The following PLEKHA6 variants were observed in gnomAD, a reference collection of about 807,000 sequenced individuals.
PLEKHA6 encodes pleckstrin homology domain containing A6.
In PLEKHA6, 60 loss-of-function variants were observed where a neutral mutation model predicts 116.7. The observed-to-expected ratio is 0.51, with a 90% CI of 0.42 to 0.64. The LOEUF is 0.64. PLEKHA6 is among the 30% of genes least tolerant of loss of function. The probability of loss-of-function intolerance (pLI) is 0.00; values close to 1 mark genes in which losing one functional copy is unlikely to be tolerated. For missense variants in PLEKHA6, 1,338 were observed against 1,422.7 expected, an observed-to-expected ratio of 0.94 and a Z score of 0.96; for synonymous variants, 489 against 556.1, an observed-to-expected ratio of 0.88 and a Z score of 1.70.
At chr1:204,270,938 A>G (rs10900572) in intron 3 of PLEKHA6, among the ~76,000 whole-genome samples, 2 of 151,858 alleles carry the variant, frequency 1.3e-5, no homozygotes, top group Admixed American at 1.3e-4. Flanking sequence ...GCCACTGTCA[A>G]ATCCCAACTT....
intron 1 of PLEKHA6, among the ~76,000 whole-genome samples, chr1:204,298,417 A>G (rs1258312884): frequency 2.0e-5 from 3 of 152,220 alleles, no homozygotes; most frequent in Non-Finnish European, 2.9e-5. Context: ...AAAAGGGTAG[A>G]GTGGTACCTG....
chr1:204,313,561 C>T (rs1671743750), intron 1 of PLEKHA6: 1 of 984,902 alleles, frequency 1.0e-6, no homozygotes, highest in Non-Finnish European at 1.2e-6. Flanking sequence ...CTTGAGGCTA[C>T]TGCTTCTCTT....
chr1:204,296,779 C>T (rs1670324964), intron 1 of PLEKHA6, among the ~76,000 whole-genome samples: 1 of 152,228 alleles, frequency 6.6e-6, no homozygotes, highest in African/African-American at 2.4e-5. Context: ...AGAAGTGCTC[C>T]GTTCTCCAGC....
At chr1:204,335,684 G>C (rs910589492) in intron 1 of PLEKHA6, among the ~76,000 whole-genome samples, 1 of 152,020 alleles carries the variant, frequency 6.6e-6, no homozygotes, top group African/African-American at 2.4e-5. Flanking sequence ...GGAGAAAGCA[G>C]ACAGACAAGG....
At position 204,249,199 on chromosome 1, in the gene PLEKHA6, C is replaced by G; in HGVS notation, c.1659G>C (p.Gln553His). 1 of 1,612,736 alleles carries G rather than the reference C, an allele frequency of 6.2e-7. No homozygotes were observed. Among genetic ancestry groups the G allele is most frequent in the Non-Finnish European group, 8.5e-7 (1 of 1,179,198 alleles). Residue 553 changes from glutamine (Q) to histidine (H), a missense_variant, in exon 11 of 23, where the codon CAG (glutamine) becomes CAC (histidine). Around this residue, in one of 3 missense-constraint regions of PLEKHA6, gnomAD observed 1,136 missense variants for 1,163.6 expected, o/e 0.98. Coordinates refer to ENST00000272203, the MANE Select transcript of PLEKHA6 (RefSeq NM_014935.5). ...AGCTTCTCACCTTCTCAGCTCGGAG[C>G]TGCTGCACCAGCCGGTCCTGCTCCC... is the stretch of plus-strand genomic sequence containing the variant. The part of the protein sequence containing the change: ...VVREQDRLVQ[Q>H]LRAEKESLES...
rs570511908 is a variant in PLEKHA6, at chr1:204,291,387, A to G, written c.-94-16578T>C. Among the ~76,000 whole-genome samples the G allele has an allele frequency of 2.0e-5, 3 of 152,328 alleles. No individual in the cohort carries two copies. In the South Asian group the frequency reaches 6.2e-4, roughly 32 times the overall value. On this transcript the variant is annotated intron_variant, in intron 1 of 22. Transcript: ENST00000272203. ...TCCCAGTTTCTTAAAGAGTTTAAAC[A>G]TCCATGCACCATACAACCCATTGAC...
intron 2 of PLEKHA6, among the ~76,000 whole-genome samples, chr1:204,370,496 T>C (rs1261485918): frequency 1.3e-5 from 2 of 152,250 alleles, no homozygotes; most frequent in African/African-American, 2.4e-5. Context: ...GGAGGATGAA[T>C]GGCTGTTCAG....
At chr1:204,251,463 C>A in intron 9 of PLEKHA6, 1 of 685,396 alleles carries the variant, frequency 1.5e-6, no homozygotes, top group Non-Finnish European at 2.7e-6. Context: ...CCTAGATGGG[C>A]AACTCGACCA....
In PLEKHA6 at chr1:204,261,795, G is replaced by T. The variant is rs921198652; in HGVS notation, c.382-347C>A. Among the ~76,000 whole-genome samples, 10 of 152,206 alleles carry T rather than the reference G, an allele frequency of 6.6e-5. No homozygotes were observed. The highest frequency in any genetic ancestry group is 2.4e-4 in the African/African-American group (10 of 41,452). On this transcript the variant is annotated intron_variant, in intron 6 of 22. Coordinates refer to ENST00000272203, the MANE Select transcript of PLEKHA6 (RefSeq NM_014935.5). The surrounding 1 kb of genome is among the most constrained non-coding windows in gnomAD (Gnocchi z 4.0). ...GCAAATTCCATGTTTGATTTCAAAG[G>T]CAATGACCCCATGTCTGGGAGAGAG...
intron 6 of PLEKHA6, among the ~76,000 whole-genome samples, chr1:204,264,536 G>T (rs1234149088): frequency 2.6e-5 from 4 of 152,160 alleles, no homozygotes; most frequent in Non-Finnish European, 5.9e-5. Flanking sequence ...TTCCAGAAAA[G>T]GTCTCAGAAC....
At chr1:204,235,203 G>C (rs1022145249) in intron 17 of PLEKHA6, among the ~76,000 whole-genome samples, 1 of 151,336 alleles carries the variant, frequency 6.6e-6, no homozygotes, top group Non-Finnish European at 1.5e-5. Flanking sequence ...AAATGCTAAG[G>C]ACTCTACTTC....
chr1:204,257,781 G>C lies in PLEKHA6; in HGVS notation c.1096C>G (p.Pro366Ala), dbSNP rs142879968. The change falls in exon 9 of 23, where the codon CCG (proline) becomes GCG (alanine). Residue 366 changes from proline to alanine, a missense_variant. This residue lies in a region of PLEKHA6 where 1,136 missense variants were observed against 1,163.6 expected (regional missense o/e 0.98). Coordinates refer to ENST00000272203, the MANE Select transcript of PLEKHA6 (RefSeq NM_014935.5). The surrounding 1 kb of genome is among the most constrained non-coding windows in gnomAD (Gnocchi z 6.5). ...SQYPDDYQYY[P>A]PGVRPESICS... ...ATGCTCTCCGGCCGCACTCCTGGCG[G>C]GTAGTACTGATAATCATCGGGGTAC... 6.2e-7 allele frequency: 1 copy of C among 1,613,942 alleles called. No individual in the cohort carries two copies. The highest frequency in any genetic ancestry group is 8.5e-7 in the Non-Finnish European group (1 of 1,180,008).
At chr1:204,327,704 C>T (rs1229076571) in intron 1 of PLEKHA6, among the ~76,000 whole-genome samples, 1 of 152,262 alleles carries the variant, frequency 6.6e-6, no homozygotes, top group Non-Finnish European at 1.5e-5. Flanking sequence ...CCACCTGGCT[C>T]TCTAGACCAA....
At chr1:204,313,408 C>A (rs1671737673) in intron 1 of PLEKHA6, 2 of 203,218 alleles carry the variant, frequency 9.8e-6, no homozygotes, top group Admixed American at 1.3e-4. Flanking sequence ...ATGCCTACCT[C>A]CAGAAACATG....
intron 6 of PLEKHA6, among the ~76,000 whole-genome samples, chr1:204,262,598 G>T (rs958353949): frequency 1.3e-5 from 2 of 152,142 alleles, no homozygotes; most frequent in Non-Finnish European, 2.9e-5. Context: ...TCTGGGGGTT[G>T]AGATAGCTTC....
At chr1:204,290,173 G>A (rs2103022532) in intron 1 of PLEKHA6, among the ~76,000 whole-genome samples, 1 of 152,306 alleles carries the variant, frequency 6.6e-6, no homozygotes, top group African/African-American at 2.4e-5. Flanking sequence ...TCTTTGTAAA[G>A]TTGACAAGCT....
intron 1 of PLEKHA6, chr1:204,297,123 C>G: frequency 1.0e-6 from 1 of 983,682 alleles, no homozygotes; most frequent in Non-Finnish European, 1.2e-6. Context: ...GAGATAAAAT[C>G]CGAATCAGAT....
At position 204,359,756 on chromosome 1, in the gene PLEKHA6, T is replaced by C; in HGVS notation, c.-157A>G. ...AACTCTGCGAGCCCCAAGGCACCCC[T>C]CCCCCCAGCTCAGGCCAGCTGGGGT... On this transcript the variant is annotated 5_prime_UTR_variant, in exon 1 of 23. Transcript: ENST00000272203. 2.1e-6 allele frequency: 2 copies of C among 939,542 alleles called. No homozygotes were observed. The highest frequency in any genetic ancestry group is 2.5e-6 in the Non-Finnish European group (2 of 787,884). 58.2% of individuals were successfully genotyped at this position (939,542 alleles called of 1,614,324 possible).
intron 1 of PLEKHA6, among the ~76,000 whole-genome samples, chr1:204,354,668 CT>C (rs1386884293): frequency 6.6e-6 from 1 of 152,176 alleles, no homozygotes; most frequent in Non-Finnish European, 1.5e-5. Context: ...ATGGCTACTA[CT>C]TGGGTCAGGA....
Sources: gnomAD v4.1 joint callset for allele counts (sites outside exome capture counted in the v4.1 genomes callset) on GRCh38, gnomAD v4.1.1 for gene constraint, gnomAD v4.1.1 regional missense constraint, Gnocchi (gnomAD v3.1) non-coding constraint, MANE v1.5 for transcripts, NCBI Gene and HGNC (gene_info 2026-07-23, HGNC 2026-07-21) for gene names.